The following CDH19 variants were observed in gnomAD, a reference collection of about 807,000 sequenced individuals.
CDH19 encodes cadherin 19.
Under a neutral mutation model 64.2 loss-of-function variants are expected in CDH19, and 67 were observed. That is an observed-to-expected ratio of 1.04 (90% CI 0.86 to 1.28). The LOEUF (loss-of-function observed/expected upper bound fraction) is 1.28, where lower values mean the gene tolerates loss of function less well. Among genes scored for constraint, CDH19 ranks in the 50% most tolerant of loss-of-function variants. The pLI is 0.00. For missense variants in CDH19, 1,030 were observed against 929.0 expected, an observed-to-expected ratio of 1.11 and a Z score of -1.41; for synonymous variants, 346 against 319.3, an observed-to-expected ratio of 1.08 and a Z score of -0.89.
At chr18:66,537,126 T>G (rs1395238230) in intron 7 of CDH19, among the ~76,000 whole-genome samples, 1 of 151,968 alleles carries the variant, frequency 6.6e-6, no homozygotes. Context: ...TCGCTATAAT[T>G]TAATTAATCA....
chr18:66,512,840 C>G (rs1214407729), intron 9 of CDH19, among the ~76,000 whole-genome samples: 1 of 151,380 alleles, frequency 6.6e-6, no homozygotes, highest in African/African-American at 2.4e-5. Flanking sequence ...TGAATCCTGG[C>G]TTTGCCATTT....
chr18:66,524,569 T>TATATATATATATATATATATATA (rs1276593665), intron 9 of CDH19, among the ~76,000 whole-genome samples: 1 of 135,164 alleles, frequency 7.4e-6, no homozygotes, highest in Non-Finnish European at 1.6e-5. Context: ...TATATATATA[T>TATATATATATATATATATATATA]AAACATCATC....
chr18:66,511,299 G>A (rs1274463159), intron 10 of CDH19, among the ~76,000 whole-genome samples: 2 of 151,526 alleles, frequency 1.3e-5, no homozygotes, highest in East Asian at 1.9e-4. Context: ...AATTATATTC[G>A]CAGGGTCATT....
intron 3 of CDH19, among the ~76,000 whole-genome samples, chr18:66,562,091 G>A (rs899893966): frequency 1.3e-5 from 2 of 151,874 alleles, no homozygotes; most frequent in Admixed American, 1.3e-4. Flanking sequence ...TGGCACCAGG[G>A]ACCAGTTTCG....
intron 1 of CDH19, among the ~76,000 whole-genome samples, chr18:66,580,061 T>C (rs1988381095): frequency 6.6e-6 from 1 of 152,076 alleles, no homozygotes; most frequent in South Asian, 2.1e-4. Context: ...TATTCACTTA[T>C]GCTTAAAATA....
chr18:66,537,001 A>G (rs1372348951), intron 7 of CDH19, among the ~76,000 whole-genome samples: 1 of 151,906 alleles, frequency 6.6e-6, no homozygotes, highest in Non-Finnish European at 1.5e-5. Context: ...TTTTACAATA[A>G]TTTTGGACTT....
Position 66,504,968 on chromosome 18 carries a change from G to A in CDH19, c.2163C>T (p.Tyr721=). The part of the protein sequence containing the change: ...CAPPFDSLQT[Y]AFEGTGSLAG... ...CTAATGACCCTGTTCCCTCAAAAGC[G>A]TAGGTCTGGAGGGAATCAAAAGGAG... The change falls in exon 12 of 12, where the codon TAC becomes TAT. Residue 721 remains tyrosine, a synonymous_variant. Coordinates refer to ENST00000262150, the MANE Select transcript of CDH19 (RefSeq NM_021153.4). 6.2e-7 allele frequency: 1 copy of A among 1,613,490 alleles called. No individual in the cohort carries two copies. The highest frequency in any genetic ancestry group is 1.1e-5 in the South Asian group (1 of 91,078).
chr18:66,521,013 G>T (rs1264820590), intron 9 of CDH19, among the ~76,000 whole-genome samples: 2 of 151,722 alleles, frequency 1.3e-5, no homozygotes, highest in Non-Finnish European at 2.9e-5. Context: ...CTTTACTTTG[G>T]TTATTATTCT....
intron 1 of CDH19, among the ~76,000 whole-genome samples, chr18:66,589,634 A>C (rs1035147621): frequency 5.3e-5 from 8 of 151,378 alleles, no homozygotes; most frequent in African/African-American, 2.0e-4. Context: ...ATACTTAGTA[A>C]GCACCACTGC....
At chr18:66,525,639 A>C (rs62094759) in intron 9 of CDH19, among the ~76,000 whole-genome samples, 128 of 152,278 alleles carry the variant, frequency 8.4e-4, no homozygotes, top group Non-Finnish European at 1.4e-3. Flanking sequence ...AAAACAAGGC[A>C]TCTTAATATA....
At chr18:66,534,552 A>G (rs1280102040) in intron 8 of CDH19, among the ~76,000 whole-genome samples, 10 of 152,016 alleles carry the variant, frequency 6.6e-5, no homozygotes, top group Non-Finnish European at 1.3e-4. Flanking sequence ...AATGGAAATG[A>G]CTTCGATATT....
rs368444797 is a variant in CDH19 at position 66,568,514 on chromosome 18, T to C, written c.392A>G (p.Glu131Gly). 1 of 1,612,378 alleles carries C rather than the reference T, an allele frequency of 6.2e-7. No individual in the cohort carries two copies. Among genetic ancestry groups the C allele is most frequent in the Non-Finnish European group, 8.5e-7 (1 of 1,178,942 alleles). Reference sequence around the variant, plus strand: ...CGAAACTTTGATGACAAACTCAGACTCAGGTTCCACAGCCCTTCCAGTAGC... The same window carrying C: ...CGAAACTTTGATGACAAACTCAGACCCAGGTTCCACAGCCCTTCCAGTAGC... ...DIATGRAVEPESEFVIKVSDI... is the reference protein window; with the variant it reads ...DIATGRAVEPGSEFVIKVSDI... Residue 131 changes from glutamate (E) to glycine (G), a missense_variant, in exon 3 of 12, where the codon GAG becomes GGG. Transcript: ENST00000262150.
Position 66,588,620 on chromosome 18 carries a change from C to CTATA in CDH19, c.-113+15330_-113+15333dup, listed in dbSNP as rs201082837. Among the ~76,000 whole-genome samples the CTATA allele has an allele frequency of 5.9e-4, 68 of 114,638 alleles. 3 individuals are homozygous for CTATA. Among genetic ancestry groups the CTATA allele is most frequent in the African/African-American group, 1.8e-3 (66 of 37,388 alleles). The allele number at this position is 114,638 out of a possible 152,430, so 75.2% of individuals were successfully genotyped here. ...TTTTACTAATCATATATATCTATAT[C>CTATA]TATATCTATATATATATAGATACAG... On this transcript the variant is annotated intron_variant, in intron 1 of 11. Transcript: ENST00000262150.
In CDH19 at chr18:66,544,837, T is replaced by C. The variant is rs1208409246; in HGVS notation, c.842A>G (p.Tyr281Cys). The change falls in exon 6 of 12, where the codon TAT (tyrosine) becomes TGT (cysteine). Residue 281 changes from tyrosine to cysteine, a missense_variant. Coordinates refer to ENST00000262150, the MANE Select transcript of CDH19 (RefSeq NM_021153.4). Reference sequence around the variant, plus strand: ...TGCATTCTCTCCTATGTCATTATCATATGCCATGATTGTTCCTATAGAAGT... The same window carrying C: ...TGCATTCTCTCCTATGTCATTATCACATGCCATGATTGTTCCTATAGAAGT... ...TGTSIGTIMAYDNDIGENAEM... is the reference protein window; with the variant it reads ...TGTSIGTIMACDNDIGENAEM... 1.2e-6 allele frequency: 2 copies of C among 1,612,420 alleles called. No homozygotes were observed. Among genetic ancestry groups the C allele is most frequent in the Non-Finnish European group, 8.5e-7 (1 of 1,178,760 alleles).
intron 5 of CDH19, among the ~76,000 whole-genome samples, chr18:66,545,986 T>G (rs1987102568): frequency 6.6e-6 from 1 of 152,006 alleles, no homozygotes; most frequent in Non-Finnish European, 1.5e-5. Context: ...TGTGTAAAAC[T>G]GATATAGAAC....
chr18:66,548,816 T>C (rs1483401296), intron 5 of CDH19, among the ~76,000 whole-genome samples: 1 of 152,218 alleles, frequency 6.6e-6, no homozygotes, highest in Admixed American at 6.5e-5. Flanking sequence ...AAAGCATCTT[T>C]AGCTAAGTAT....
intron 9 of CDH19, among the ~76,000 whole-genome samples, chr18:66,520,282 T>C (rs1434811835): frequency 6.6e-6 from 1 of 151,292 alleles, no homozygotes; most frequent in African/African-American, 2.4e-5. Flanking sequence ...AACGCCTATC[T>C]TTTTTAAACT....
intron 1 of CDH19, among the ~76,000 whole-genome samples, chr18:66,586,649 T>C (rs1988587596): frequency 6.6e-6 from 1 of 152,026 alleles, no homozygotes; most frequent in Admixed American, 6.6e-5. Flanking sequence ...GGAGAGTTAG[T>C]GGCAGATTTT....
chr18:66,556,548 C>T (rs1009350667), intron 3 of CDH19, among the ~76,000 whole-genome samples: 2 of 151,760 alleles, frequency 1.3e-5, no homozygotes, highest in African/African-American at 4.8e-5. Context: ...GCTTATTTCA[C>T]TTAGCATAAT....
Sources: allele counts gnomAD v4.1 joint callset (sites outside exome capture counted in the v4.1 genomes callset), GRCh38; gene constraint gnomAD v4.1.1; transcripts MANE v1.5; gene names NCBI Gene and HGNC (gene_info 2026-07-23, HGNC 2026-07-21).